The following C17orf78 variants were observed in gnomAD, a reference collection of about 807,000 sequenced individuals.
C17orf78 encodes uncharacterized protein C17orf78.
In C17orf78, 27 loss-of-function variants were observed where a neutral mutation model predicts 31.8. The ratio of observed to expected loss-of-function variants is 0.85; its 90% CI spans 0.63 to 1.17. The LOEUF (loss-of-function observed/expected upper bound fraction) is 1.17, where lower values mean the gene tolerates loss of function less well. Ranked by LOEUF, C17orf78 falls within the 50% of genes most tolerant of loss-of-function variation. The pLI, the probability that C17orf78 is intolerant of heterozygous loss-of-function variation, is 0.00. For synonymous variants in C17orf78, 106 were observed against 115.1 expected (o/e 0.92, Z 0.51); for missense variants, 258 against 315.2 (o/e 0.82, Z 1.37).
intron 3 of C17orf78, among the ~76,000 whole-genome samples, chr17:37,385,006 A>G (rs1300334103): frequency 6.6e-6 from 1 of 152,194 alleles, no homozygotes; most frequent in Non-Finnish European, 1.5e-5. Flanking sequence ...GAGACGAGTG[A>G]GGTTATTTCC....
intron 2 of C17orf78, among the ~76,000 whole-genome samples, chr17:37,378,506 A>C (rs2050104340): frequency 6.6e-6 from 1 of 152,114 alleles, no homozygotes. Context: ...TGAGCTTACG[A>C]GTTTGAGACT....
chr17:37,381,818 G>GCA (rs2050289091), intron 3 of C17orf78, among the ~76,000 whole-genome samples: 4 of 151,044 alleles, frequency 2.6e-5, no homozygotes, highest in South Asian at 4.2e-4. Flanking sequence ...TGGTAGAGAT[G>GCA]GGGTTTCACC....
At chr17:37,381,918 C>T (rs760291535) in intron 3 of C17orf78, among the ~76,000 whole-genome samples, 20 of 152,122 alleles carry the variant, frequency 1.3e-4, no homozygotes, top group Non-Finnish European at 2.8e-4. Context: ...TGAGCCACTG[C>T]ACCCGGCCAT....
chr17:37,381,752 C>T (rs532842340), intron 3 of C17orf78, among the ~76,000 whole-genome samples: 44 of 151,530 alleles, frequency 2.9e-4, no homozygotes, highest in South Asian at 2.7e-3. Flanking sequence ...CTCAGCCTCC[C>T]GAGTAGCTGG....
chr17:37,388,920 C>A, intron 5 of C17orf78, 126 bp downstream of exon 5: 1 of 1,246,812 alleles, frequency 8.0e-7, no homozygotes, highest in Non-Finnish European at 1.1e-6. Context: ...CACTCACACT[C>A]ACTAGCTGAG....
chr17:37,391,532 T>C, intron 6 of C17orf78, 115 bp from the exon 7 acceptor site: 1 of 880,404 alleles, frequency 1.1e-6, no homozygotes, highest in African/African-American at 1.7e-5. Flanking sequence ...AGAGGCAAAA[T>C]GAAGTGCACT....
intron 3 of C17orf78, among the ~76,000 whole-genome samples, chr17:37,381,055 T>C (rs1435408278): frequency 1.3e-5 from 2 of 152,074 alleles, no homozygotes; most frequent in African/African-American, 4.8e-5. Context: ...TTATATTTCC[T>C]TCCGGAGATA....
Position 37,391,879 on chromosome 17 carries a change from CAG to C in C17orf78, c.*158_*159del. ...TAATGAAGGGAGAGTGTGGGCTTAG[CAG>C]AGTTACCCTCATGCCCCTATCTGAG... On this transcript the variant is annotated 3_prime_UTR_variant, in exon 7 of 7. Coordinates refer to ENST00000615133, the MANE Select transcript of C17orf78 (RefSeq NM_173625.5). 3 of 696,772 alleles carry C rather than the reference CAG, an allele frequency of 4.3e-6. No individual in the cohort carries two copies. The highest frequency in any genetic ancestry group is 3.5e-5 in the South Asian group (2 of 56,654). The allele number at this position is 696,772 out of a possible 1,614,324, so 43.2% of individuals were successfully genotyped here.
At chr17:37,389,518 C>A in intron 6 of C17orf78, 156 bp downstream of exon 6, 1 of 741,300 alleles carries the variant, frequency 1.3e-6, no homozygotes, top group Non-Finnish European at 1.6e-6. Flanking sequence ...ATGACGAAAC[C>A]CTGTCTCTAC....
intron 3 of C17orf78, 135 bp downstream of exon 3, chr17:37,379,517 C>T: frequency 8.0e-7 from 1 of 1,254,220 alleles, no homozygotes; most frequent in Non-Finnish European, 1.1e-6. Flanking sequence ...TGTTTTTTTT[C>T]TTGTAAATTT....
At position 37,386,021 on chromosome 17, in the gene C17orf78, G is replaced by A. The variant is rs1377570280; in HGVS notation, c.404G>A (p.Gly135Glu). Residue 135 changes from glycine (G) to glutamate (E), a missense_variant, in exon 4 of 7, where the codon GGG becomes GAG. Physicochemically the swap from Gly to Glu is moderately conservative, Grantham distance 98 (BLOSUM62 -2). Coordinates refer to ENST00000615133, the MANE Select transcript of C17orf78 (RefSeq NM_173625.5). Reference protein sequence around the residue: ...SLLKGKAFLPGISQCKVLGAS... With the variant: ...SLLKGKAFLPEISQCKVLGAS... ...CTTTGTTTTATAGCTTTTTTACCAG[G>A]GATCTCACAATGTAAAGTCCTGGGG... 7 of 1,588,528 alleles carry A rather than the reference G, an allele frequency of 4.4e-6. No individual in the cohort carries two copies. Among genetic ancestry groups the A allele is most frequent in the African/African-American group, 1.3e-5 (1 of 74,138 alleles).
chr17:37,390,276 AT>A (rs1165818381), intron 6 of C17orf78, among the ~76,000 whole-genome samples: 3 of 60,662 alleles, frequency 4.9e-5, no homozygotes, highest in East Asian at 5.1e-4. Flanking sequence ...TATATAATAT[AT>A]TATATATAAT....
Position 37,389,333 on chromosome 17 carries a change from G to T in C17orf78, c.721G>T (p.Glu241Ter). 1 of 1,592,532 alleles carries T rather than the reference G, an allele frequency of 6.3e-7. No homozygotes were observed. The highest frequency in any genetic ancestry group is 8.5e-7 in the Non-Finnish European group (1 of 1,169,598). Residue 241 changes from glutamate (E) to a stop codon, truncating the protein, a stop_gained, in exon 6 of 7, where the codon GAA (glutamate) becomes TAA (stop). Coordinates refer to ENST00000615133, the MANE Select transcript of C17orf78 (RefSeq NM_173625.5). LOFTEE classifies it high-confidence loss of function. ...GGGAGGCCAGCCACCTGGGACAGCTGAATCCAAGCCTGACTCTCAGCCCCA... is the reference window on the plus strand; with the variant it reads ...GGGAGGCCAGCCACCTGGGACAGCTTAATCCAAGCCTGACTCTCAGCCCCA... ...KKGGQPPGTA[E>*]SKPDSQPQKV...
chr17:37,385,125 C>T (rs1176857067), intron 3 of C17orf78, among the ~76,000 whole-genome samples: 2 of 152,098 alleles, frequency 1.3e-5, no homozygotes. Flanking sequence ...TACCCTCCTT[C>T]TACCCTTGCC....
At chr17:37,390,324 A>ATCTATC (rs1268420298) in intron 6 of C17orf78, among the ~76,000 whole-genome samples, 2 of 66,870 alleles carry the variant, frequency 3.0e-5, no homozygotes, top group Non-Finnish European at 4.9e-5. Flanking sequence ...ATATATATAT[A>ATCTATC]TATATATATA....
chr17:37,386,147 T>C (rs1474748205), intron 4 of C17orf78, 22 bp downstream of exon 4: 3 of 1,447,028 alleles, frequency 2.1e-6, no homozygotes, highest in Non-Finnish European at 2.9e-6. Flanking sequence ...AGCTTTGAAA[T>C]GACAAAGTAC....
chr17:37,390,137 AAAGTATAT>A, intron 6 of C17orf78, among the ~76,000 whole-genome samples: 1 of 32,610 alleles, frequency 3.1e-5, no homozygotes, highest in African/African-American at 2.1e-4. Flanking sequence ...ATTAAAAAAA[AAAGTATAT>A]ATATATATAT....
Position 37,391,959 on chromosome 17 carries a change from A to G in C17orf78, c.*235A>G. On this transcript the variant is annotated 3_prime_UTR_variant, in exon 7 of 7. Transcript: ENST00000615133. Reference sequence around the variant, plus strand: ...CATCCATCTAAATGGATACCTTTCCATCCCCTCAAACGAGAACAAAAAGTA... The same window carrying G: ...CATCCATCTAAATGGATACCTTTCCGTCCCCTCAAACGAGAACAAAAAGTA... 1 of 537,816 alleles carries G rather than the reference A, an allele frequency of 1.9e-6. No homozygotes were observed. The allele number at this position is 537,816 out of a possible 1,614,324, so 33.3% of individuals were successfully genotyped here.
intron 6 of C17orf78, among the ~76,000 whole-genome samples, chr17:37,389,897 A>T (rs2050717893): frequency 6.6e-6 from 1 of 151,100 alleles, no homozygotes; most frequent in South Asian, 2.1e-4. Context: ...ATCAGTCCAG[A>T]CATGATACAA....
Sources: gnomAD v4.1 joint callset for allele counts (sites outside exome capture counted in the v4.1 genomes callset) on GRCh38, gnomAD v4.1.1 for gene constraint, MANE v1.5 for transcripts, NCBI Gene and HGNC (gene_info 2026-07-23, HGNC 2026-07-21) for gene names.